Variants in ZMYND19 observed in about 807,000 individuals in gnomAD.
The protein encoded by ZMYND19 is zinc finger MYND domain-containing protein 19.
ZMYND19 carries 17 observed loss-of-function variants against 32.0 expected under a neutral mutation model. The ratio of observed to expected loss-of-function variants is 0.53; its 90% CI spans 0.36 to 0.80. The LOEUF (loss-of-function observed/expected upper bound fraction) is 0.80. Among genes scored for constraint, ZMYND19 ranks in the 30% least tolerant of loss-of-function variants. The pLI is 0.00. For missense variants in ZMYND19, 250 were observed against 293.6 expected, an observed-to-expected ratio of 0.85 and a Z score of 1.09; for synonymous variants, 124 against 113.6, an observed-to-expected ratio of 1.09 and a Z score of -0.58.
intron 2 of ZMYND19, among the ~76,000 whole-genome samples, chr9:137,588,047 A>G (rs1214342067): frequency 6.6e-6 from 1 of 152,164 alleles, no homozygotes; most frequent in Non-Finnish European, 1.5e-5. Flanking sequence ...ACTCACAAAC[A>G]ACTCTGCAAA....
chr9:137,589,886 AGGGCTCCGGGAGAACGC>A, intron 1 of ZMYND19: 1 of 985,336 alleles, frequency 1.0e-6, no homozygotes, highest in Non-Finnish European at 1.2e-6. Context: ...CACCACTGGG[AGGGCTCCGGGAGAACGC>A]GGCTCGGGCT....
At chr9:137,586,603 TGAGGA>T (rs1379320845) in intron 4 of ZMYND19, among the ~76,000 whole-genome samples, 1 of 151,024 alleles carries the variant, frequency 6.6e-6, no homozygotes, top group Non-Finnish European at 1.5e-5. Flanking sequence ...AATCCTGAGG[TGAGGA>T]GAGAAGGCTG....
chr9:137,582,894 G>T (rs1842163221), intron 5 of ZMYND19, 89 bp downstream of exon 5: 1 of 1,557,096 alleles, frequency 6.4e-7, no homozygotes. Context: ...CTGGGGAATG[G>T]GACCCCGCGG....
chr9:137,586,485 G>T (rs1213510896), intron 4 of ZMYND19, among the ~76,000 whole-genome samples: 2 of 150,286 alleles, frequency 1.3e-5, no homozygotes, highest in African/African-American at 4.9e-5. Flanking sequence ...CGAGGTGAGA[G>T]AAGGAAGGAA....
At chr9:137,588,435 C>T (rs543169411) in intron 2 of ZMYND19, among the ~76,000 whole-genome samples, 3 of 146,842 alleles carry the variant, frequency 2.0e-5, no homozygotes, top group East Asian at 3.9e-4. Flanking sequence ...AGACCACTGT[C>T]GCCAGGCCAT....
At chr9:137,589,914 C>A (rs1039240742) in intron 1 of ZMYND19, 2 of 984,964 alleles carry the variant, frequency 2.0e-6, no homozygotes, top group Non-Finnish European at 2.4e-6. Context: ...GGCTCGGGCT[C>A]GAGCCACGCA....
In ZMYND19 at chr9:137,587,781, A is replaced by G. The variant is rs1842222740; in HGVS notation, c.154T>C (p.Phe52Leu). The G allele has an allele frequency of 6.2e-7, 1 of 1,614,198 alleles. No individual in the cohort carries two copies. Among genetic ancestry groups the G allele is most frequent in the Non-Finnish European group, 8.5e-7 (1 of 1,180,030 alleles). The change falls in exon 3 of 6, where the codon TTT becomes CTT. Residue 52 changes from phenylalanine to leucine, a missense_variant. Coordinates refer to ENST00000298585, the MANE Select transcript of ZMYND19 (RefSeq NM_138462.3). The stretch of plus-strand genomic sequence containing the variant: ...CGGTTCTTGTCAAAGGCATAGGCAA[A>G]TATCTTAGCACCATTTCCATCTGCA... ...VDADGNGAKIFAYAFDKNRGR... is the reference protein window; with the variant it reads ...VDADGNGAKILAYAFDKNRGR...
chr9:137,586,621 G>A (rs571172540), intron 4 of ZMYND19, among the ~76,000 whole-genome samples: 2 of 152,190 alleles, frequency 1.3e-5, no homozygotes, highest in Non-Finnish European at 2.9e-5. Flanking sequence ...GAAGGCTGAT[G>A]CCTCCCAGGG....
chr9:137,586,435 A>G (rs1842205109), intron 4 of ZMYND19, among the ~76,000 whole-genome samples: 1 of 147,354 alleles, frequency 6.8e-6, no homozygotes, highest in African/African-American at 2.5e-5. Flanking sequence ...GTGAGCAGAG[A>G]AGGAAGGAAT....
chr9:137,588,841 C>T, intron 1 of ZMYND19, 123 bp from the exon 2 acceptor site: 2 of 1,067,530 alleles, frequency 1.9e-6, no homozygotes, highest in Non-Finnish European at 2.8e-6. Flanking sequence ...TAACTACAGG[C>T]CTCTTCAGAC....
intron 4 of ZMYND19, among the ~76,000 whole-genome samples, chr9:137,586,176 C>A (rs1011008964): frequency 6.6e-6 from 1 of 152,256 alleles, no homozygotes; most frequent in African/African-American, 2.4e-5. Context: ...GAACCATTCT[C>A]CGCTTTAAAC....
chr9:137,586,299 GA>G (rs1842203376), intron 4 of ZMYND19, among the ~76,000 whole-genome samples: 1 of 151,880 alleles, frequency 6.6e-6, no homozygotes, highest in Admixed American at 6.6e-5. Flanking sequence ...GGTGAGCAGA[GA>G]AGGAAGGAAT....
rs1371630386 is a variant in ZMYND19, at chr9:137,582,598, T to C, written c.629A>G (p.Lys210Arg). ...GGGACGCTTCCTCTCCCGACAGTGC[T>C]TCTTGTGGGCAGGCCAGTCCTTCTG... is the stretch of plus-strand genomic sequence containing the variant. ...CQQKDWPAHK[K>R]HCRERKRPFQ... The change falls in exon 6 of 6, where the codon AAG (lysine) becomes AGG (arginine). Residue 210 changes from lysine (K) to arginine (R), a missense_variant. Physicochemically the swap from Lys to Arg is conservative, Grantham distance 26. Around this residue, in one of 2 missense-constraint regions of ZMYND19, gnomAD observed 38 missense variants for 74.9 expected, o/e 0.51. Coordinates refer to ENST00000298585, the MANE Select transcript of ZMYND19 (RefSeq NM_138462.3). 1 of 1,613,652 alleles carries C rather than the reference T, an allele frequency of 6.2e-7. No individual in the cohort carries two copies. Among genetic ancestry groups the C allele is most frequent in the South Asian group, 1.1e-5 (1 of 91,080 alleles).
intron 3 of ZMYND19, 44 bp from the exon 4 acceptor site, chr9:137,587,151 C>T (rs1009746077): frequency 2.5e-6 from 4 of 1,588,030 alleles, no homozygotes; most frequent in Non-Finnish European, 3.4e-6. Flanking sequence ...TGCATCGCTG[C>T]CTCCCACCCT....
Position 137,587,115 on chromosome 9 carries a change from C to G in ZMYND19, c.219-8G>C. On this transcript the variant is annotated splice_polypyrimidine_tract_variant and splice_region_variant and intron_variant, in intron 3 of 5. Coordinates refer to ENST00000298585, the MANE Select transcript of ZMYND19 (RefSeq NM_138462.3). ...CCCCCCCGGTGCCGCTCCCTAGAAACAGACAGCAAACCCTGCATCTAACCC... is the reference window on the plus strand; with the variant it reads ...CCCCCCCGGTGCCGCTCCCTAGAAAGAGACAGCAAACCCTGCATCTAACCC... The G allele has an allele frequency of 6.2e-7, 1 of 1,602,390 alleles. No homozygotes were observed. The highest frequency in any genetic ancestry group is 8.5e-7 in the Non-Finnish European group (1 of 1,179,866).
chr9:137,584,754 T>C (rs184734283), intron 4 of ZMYND19, among the ~76,000 whole-genome samples: 5 of 152,258 alleles, frequency 3.3e-5, no homozygotes, highest in African/African-American at 1.2e-4. Context: ...CTACAGTTCA[T>C]CCCAGGGCTT....
At chr9:137,585,919 G>A (rs1030309701) in intron 4 of ZMYND19, among the ~76,000 whole-genome samples, 1 of 152,394 alleles carries the variant, frequency 6.6e-6, no homozygotes, top group South Asian at 2.1e-4. Flanking sequence ...AGAGGCTTGA[G>A]GACGTGCCCA....
chr9:137,582,283 C>T lies in ZMYND19; in HGVS notation c.*260G>A. 1 of 365,042 alleles carries T rather than the reference C, an allele frequency of 2.7e-6. No homozygotes were observed. Among genetic ancestry groups the T allele is most frequent in the Non-Finnish European group, 4.9e-6 (1 of 204,298 alleles). The allele number at this position is 365,042 out of a possible 1,614,324, so 22.6% of individuals were successfully genotyped here. On this transcript the variant is annotated 3_prime_UTR_variant, in exon 6 of 6. Transcript: ENST00000298585. ...CCCATTGCCTCCCCCCCAAAAAAAA[C>T]TGTACATGAGTTTACAAACATATTA... is the stretch of plus-strand genomic sequence containing the variant.
chr9:137,583,209 G>C (rs1396077216), intron 4 of ZMYND19, 46 bp from the exon 5 acceptor site: 1 of 1,597,860 alleles, frequency 6.3e-7, no homozygotes, highest in Admixed American at 1.7e-5. Context: ...GCCAAACGGG[G>C]CCAGCACACA....
Sources: allele counts gnomAD v4.1 joint callset (sites outside exome capture counted in the v4.1 genomes callset), GRCh38; gene constraint gnomAD v4.1.1; regional missense constraint gnomAD v4.1.1; transcripts MANE v1.5; gene names NCBI Gene and HGNC (gene_info 2026-07-23, HGNC 2026-07-21).